NKAIN2: variants seen among roughly 807,000 people sequenced by gnomAD.
The protein encoded by NKAIN2 is sodium/potassium transporting ATPase interacting 2.
NKAIN2 carries 14 observed loss-of-function variants against 32.6 expected under a neutral mutation model. That is an observed-to-expected ratio of 0.43 (90% CI 0.28 to 0.67). The LOEUF (loss-of-function observed/expected upper bound fraction) is 0.67. NKAIN2 is among the 30% of genes least tolerant of loss of function. NKAIN2 has a pLI of 0.17. For missense variants in NKAIN2, 198 were observed against 258.3 expected, an observed-to-expected ratio of 0.77 and a Z score of 1.60; for synonymous variants, 80 against 87.2, an observed-to-expected ratio of 0.92 and a Z score of 0.46.
intron 2 of NKAIN2, among the ~76,000 whole-genome samples, chr6:124,289,885 T>C (rs1000515801): frequency 1.3e-5 from 2 of 152,210 alleles, no homozygotes; most frequent in Admixed American, 1.3e-4. Context: ...AGGAAACTTA[T>C]TGCAGCTAAA....
intron 4 of NKAIN2, among the ~76,000 whole-genome samples, chr6:124,734,728 G>C (rs1776855116): frequency 6.6e-6 from 1 of 151,870 alleles, no homozygotes; most frequent in Non-Finnish European, 1.5e-5. Flanking sequence ...TCAAGGCACA[G>C]AGTAAATGGG....
intron 1 of NKAIN2, among the ~76,000 whole-genome samples, chr6:124,277,889 ACT>A (rs1303681509): frequency 2.0e-5 from 3 of 151,496 alleles, no homozygotes; most frequent in African/African-American, 7.3e-5. Context: ...TAAAAAAAAA[ACT>A]CTGTTTCATC....
intron 1 of NKAIN2, among the ~76,000 whole-genome samples, chr6:124,247,005 C>G (rs1031874532): frequency 4.6e-5 from 7 of 151,948 alleles, no homozygotes; most frequent in African/African-American, 1.2e-4. Flanking sequence ...CTTCCTGAGG[C>G]CTCTGGCAGG....
chr6:124,092,446 C>A (rs921839782), intron 1 of NKAIN2, among the ~76,000 whole-genome samples: 2 of 151,782 alleles, frequency 1.3e-5, no homozygotes, highest in Non-Finnish European at 2.9e-5. Context: ...TCTTTTATAA[C>A]CTCCTTCCTG....
At chr6:124,812,487 A>G (rs543898013) in intron 5 of NKAIN2, among the ~76,000 whole-genome samples, 11 of 152,296 alleles carry the variant, frequency 7.2e-5, no homozygotes, top group African/African-American at 2.4e-4. Flanking sequence ...GTATTATAGT[A>G]GTGGAGGAAA....
intron 2 of NKAIN2, among the ~76,000 whole-genome samples, chr6:124,345,149 G>A (rs557938922): frequency 2.6e-5 from 4 of 152,026 alleles, no homozygotes; most frequent in Non-Finnish European, 4.4e-5. Context: ...TGATTTGCGT[G>A]TATTGAACCA....
intron 1 of NKAIN2, among the ~76,000 whole-genome samples, chr6:124,051,472 C>A (rs556002082): frequency 6.6e-6 from 1 of 151,754 alleles, no homozygotes; most frequent in Non-Finnish European, 1.5e-5. Context: ...ATGTACACAA[C>A]GTGCAGGTTT....
intron 3 of NKAIN2, among the ~76,000 whole-genome samples, chr6:124,626,291 C>G (rs546880897): frequency 6.6e-6 from 1 of 151,892 alleles, no homozygotes; most frequent in Admixed American, 6.6e-5. Flanking sequence ...AAGTCCTATT[C>G]AAACAGCTTT....
At chr6:124,414,938 C>T (rs1157270372) in intron 3 of NKAIN2, among the ~76,000 whole-genome samples, 6 of 151,482 alleles carry the variant, frequency 4.0e-5, no homozygotes, top group African/African-American at 7.3e-5. Context: ...CTCTAAGAAT[C>T]AGCTTTAAAA....
At chr6:124,726,139 C>A (rs1472912491) in intron 4 of NKAIN2, among the ~76,000 whole-genome samples, 1 of 152,222 alleles carries the variant, frequency 6.6e-6, no homozygotes, top group African/African-American at 2.4e-5. Context: ...GGAGGGGCGC[C>A]CACCATTGCC....
At chr6:124,690,639 G>A (rs1364724798) in intron 4 of NKAIN2, among the ~76,000 whole-genome samples, 1 of 152,104 alleles carries the variant, frequency 6.6e-6, no homozygotes, top group Admixed American at 6.6e-5. Context: ...ACCCATAGGA[G>A]AAATTGTTCT....
intron 1 of NKAIN2, among the ~76,000 whole-genome samples, chr6:123,843,034 G>A (rs1294266593): frequency 6.6e-6 from 1 of 152,164 alleles, no homozygotes; most frequent in African/African-American, 2.4e-5. Context: ...GTGCTGGCAG[G>A]AATGAACCCT....
intron 3 of NKAIN2, among the ~76,000 whole-genome samples, chr6:124,640,932 G>A (rs548638486): frequency 6.6e-6 from 1 of 151,134 alleles, no homozygotes; most frequent in South Asian, 2.1e-4. Context: ...ACCTTTCAGT[G>A]AATTACAAGG....
chr6:124,015,463 G>T (rs184285693), intron 1 of NKAIN2, among the ~76,000 whole-genome samples: 1 of 152,230 alleles, frequency 6.6e-6, no homozygotes, highest in East Asian at 1.9e-4. Flanking sequence ...TTTAGATTGA[G>T]CTCTGGCTTC....
rs558430585 is a variant in NKAIN2, at chr6:124,631,460, A to ATTGT, written c.274-26724_274-26721dup. ...CAACAAAAAAATTATATAATATGTG[A>ATTGT]TTGTTAGTCTCTGTCTTATAATCAC... is the stretch of plus-strand genomic sequence containing the variant. On this transcript the variant is annotated intron_variant, in intron 3 of 6. Coordinates refer to ENST00000368417, the MANE Select transcript of NKAIN2 (RefSeq NM_001040214.3). Among the ~76,000 whole-genome samples, 43 of 152,256 alleles carry ATTGT rather than the reference A, an allele frequency of 2.8e-4. No homozygotes were observed. In the East Asian group the frequency reaches 7.1e-3, roughly 25 times the overall value.
chr6:124,185,830 A>T (rs994648135), intron 1 of NKAIN2, among the ~76,000 whole-genome samples: 1 of 150,298 alleles, frequency 6.7e-6, no homozygotes, highest in Non-Finnish European at 1.5e-5. Flanking sequence ...TTTAGATATG[A>T]TACAGAAATA....
At chr6:124,563,415 G>C (rs1488131892) in intron 3 of NKAIN2, among the ~76,000 whole-genome samples, 1 of 152,060 alleles carries the variant, frequency 6.6e-6, no homozygotes, top group African/African-American at 2.4e-5. Flanking sequence ...AAATAAATTT[G>C]CATTCAAATG....
chr6:124,500,227 A>G lies in NKAIN2; in HGVS notation c.273+144880A>G, dbSNP rs183323746. Among the ~76,000 whole-genome samples, 977 of 152,354 alleles carry G rather than the reference A, an allele frequency of 6.4e-3. 10 individuals carry two copies. The highest frequency in any genetic ancestry group is 0.049 in the South Asian group (235 of 4,828). Reference sequence around the variant, plus strand: ...AAGTTTTGGAAATATCAGTCTAGCAATAGCCTGTGAGTAAAGCCATTTCAG... The same window carrying G: ...AAGTTTTGGAAATATCAGTCTAGCAGTAGCCTGTGAGTAAAGCCATTTCAG... On this transcript the variant is annotated intron_variant, in intron 3 of 6. Coordinates refer to ENST00000368417, the MANE Select transcript of NKAIN2 (RefSeq NM_001040214.3).
chr6:124,036,596 C>T (rs544819291), intron 1 of NKAIN2, among the ~76,000 whole-genome samples: 65 of 152,190 alleles, frequency 4.3e-4, no homozygotes, highest in African/African-American at 1.4e-3. Context: ...ACAAAGAGTT[C>T]ATCAGCTAAT....
Sources: gnomAD v4.1 joint callset for allele counts (sites outside exome capture counted in the v4.1 genomes callset) on GRCh38, gnomAD v4.1.1 for gene constraint, MANE v1.5 for transcripts, NCBI Gene and HGNC (gene_info 2026-07-23, HGNC 2026-07-21) for gene names.